ZNF385A: variants seen among roughly 807,000 people sequenced by gnomAD.
ZNF385A encodes the protein hematopoietic zinc finger protein.
ZNF385A carries 14 observed loss-of-function variants against 32.1 expected under a neutral mutation model. The observed-to-expected ratio is 0.44, with a 90% confidence interval of 0.29 to 0.68. The LOEUF (loss-of-function observed/expected upper bound fraction) is 0.68. Ranked by LOEUF, ZNF385A falls within the 30% of genes least tolerant of loss-of-function variation. The pLI, the probability that ZNF385A is intolerant of heterozygous loss-of-function variation, is 0.14. For missense variants in ZNF385A, 406 were observed against 478.4 expected (o/e 0.85, Z 1.41); for synonymous variants, 197 against 202.7 (o/e 0.97, Z 0.24).
At position 54,370,858 on chromosome 12, in the gene ZNF385A, C is replaced by T; in HGVS notation, c.774+69G>A. 1 of 1,610,436 alleles carries T rather than the reference C, an allele frequency of 6.2e-7. No homozygotes were observed. Among genetic ancestry groups the T allele is most frequent in the Admixed American group, 1.7e-5 (1 of 59,866 alleles). On this transcript the variant is annotated intron_variant, in intron 5 of 6. Transcript: ENST00000394313. The surrounding 1 kb of genome is among the most constrained non-coding windows in gnomAD (Gnocchi z 5.5). ...CTCTGAAGAAGGGCCTTTACTCAAG[C>T]TCCTTGCTCCCCTTCCCCACTTAGC...
At chr12:54,375,285 G>C (rs927895344) in intron 2 of ZNF385A, among the ~76,000 whole-genome samples, 2 of 152,166 alleles carry the variant, frequency 1.3e-5, no homozygotes, top group African/African-American at 4.8e-5. Context: ...TTTTGGGTTT[G>C]GGGTAGCTTC....
Position 54,370,453 on chromosome 12 carries a change from A to G in ZNF385A, c.904T>C (p.Ser302Pro). The change falls in exon 7 of 7, where the codon TCC (serine) becomes CCC (proline). Residue 302 changes from serine to proline, a missense_variant. Coordinates refer to ENST00000394313, the MANE Select transcript of ZNF385A (RefSeq NM_015481.3). This position sits in a 1 kb window ranked among gnomAD's most constrained non-coding sequence, Gnocchi z 5.5. ...TLTFSKELPK[S>P]LAGGLLPSPL... ...CTGGGGAGCAGGCCGCCCGCCAGGG[A>G]CTTGGGCAGCTCCTTGGAGAAAGTC... The G allele has an allele frequency of 6.4e-7, 1 of 1,551,082 alleles. No homozygotes were observed. The highest frequency in any genetic ancestry group is 8.7e-7 in the Non-Finnish European group (1 of 1,146,716).
Position 54,370,169 on chromosome 12 carries a change from T to C in ZNF385A, c.*87A>G. On this transcript the variant is annotated 3_prime_UTR_variant, in exon 7 of 7. Transcript: ENST00000394313. This position sits in a 1 kb window ranked among gnomAD's most constrained non-coding sequence, Gnocchi z 5.5. Reference sequence around the variant, plus strand: ...GGGGAAGGAGAGATCATTTAGGGAGTGCCGGGAGGAGGGGCGGGCTGGGAG... The same window carrying C: ...GGGGAAGGAGAGATCATTTAGGGAGCGCCGGGAGGAGGGGCGGGCTGGGAG... 6.0e-6 allele frequency: 6 copies of C among 992,340 alleles called. No homozygotes were observed. The South Asian group carries it at 6.6e-5, about 11-fold the overall frequency. 61.5% of individuals were successfully genotyped at this position (992,340 alleles called of 1,614,324 possible). A position where few individuals can be genotyped will look rare whatever the true frequency, so the allele number is the denominator to read the frequency against.
chr12:54,370,559 G>C lies in ZNF385A; in HGVS notation c.870+67C>G, dbSNP rs1954478220. ...CAAACCCCACCTCTCCCTGGGCAAA[G>C]CCCGCGTCCCTCTCTCCTCCCCGCC... On this transcript the variant is annotated intron_variant, in intron 6 of 6. Transcript: ENST00000394313. The surrounding 1 kb of genome is among the most constrained non-coding windows in gnomAD (Gnocchi z 5.5). The C allele has an allele frequency of 6.4e-7, 1 of 1,551,924 alleles. No homozygotes were observed. Among genetic ancestry groups the C allele is most frequent in the Admixed American group, 2.0e-5 (1 of 51,178 alleles).
intron 3 of ZNF385A, 128 bp from the exon 4 acceptor site, chr12:54,371,843 A>G (rs1954571092): frequency 7.4e-7 from 1 of 1,352,236 alleles, no homozygotes; most frequent in South Asian, 1.3e-5. Context: ...TACAACATGC[A>G]TGCTCTCATG....
chr12:54,382,359 C>A lies in ZNF385A; in HGVS notation c.87+2069G>T, dbSNP rs1054485480. Among the ~76,000 whole-genome samples, 9 of 152,234 alleles carry A rather than the reference C, an allele frequency of 5.9e-5. 1 individual carries two copies. The highest frequency in any genetic ancestry group is 3.4e-3 in the Middle Eastern group (1 of 294). ...AAAGTGCTGGGATTACAAGCGTGAG[C>A]CACCACGCCTGGCCCAGTCTGAAAA... On this transcript the variant is annotated intron_variant, in intron 1 of 6. Coordinates refer to ENST00000394313, the MANE Select transcript of ZNF385A (RefSeq NM_015481.3).
At position 54,374,226 on chromosome 12, in the gene ZNF385A, CAGCAGG is replaced by C. The variant is rs1954721119; in HGVS notation, c.199-97_199-92del. 3.0e-5 allele frequency: 38 copies of C among 1,246,444 alleles called. No homozygotes were observed. The South Asian group carries it at 8.5e-4, about 28-fold the overall frequency. 77.2% of individuals were successfully genotyped at this position (1,246,444 alleles called of 1,614,324 possible). A position where few individuals can be genotyped will look rare whatever the true frequency, so the allele number is the denominator to read the frequency against. On this transcript the variant is annotated intron_variant, in intron 2 of 6. Transcript: ENST00000394313. ...GCTCCCTCAAGTCCTGGGGTGATCTCAGCAGGCTGCAGTGAATTTTTCTGTACACCA... is the reference window on the plus strand; with the variant it reads ...GCTCCCTCAAGTCCTGGGGTGATCTCCTGCAGTGAATTTTTCTGTACACCA...
At chr12:54,389,219 C>T (rs1289321549), upstream of ZNF385A, among the ~76,000 whole-genome samples, 1 of 152,218 alleles carries the variant, frequency 6.6e-6, no homozygotes, top group African/African-American at 2.4e-5. Flanking sequence ...AGATCTTGAG[C>T]AGGCTGGCTG....
chr12:54,371,326 C>G, intron 4 of ZNF385A, 147 bp downstream of exon 4: 1 of 1,183,534 alleles, frequency 8.4e-7, no homozygotes, highest in Non-Finnish European at 1.2e-6. Flanking sequence ...GGCTAAGGAA[C>G]AGGGGAGATG....
chr12:54,382,353 C>T (rs531597150), intron 1 of ZNF385A, among the ~76,000 whole-genome samples: 8 of 152,130 alleles, frequency 5.3e-5, no homozygotes, highest in African/African-American at 1.9e-4. Context: ...GGATTACAAG[C>T]GTGAGCCACC....
intron 2 of ZNF385A, among the ~76,000 whole-genome samples, chr12:54,375,067 A>AGTGTGTGT (rs35300449): frequency 6.7e-6 from 1 of 150,374 alleles, no homozygotes; most frequent in Non-Finnish European, 1.5e-5. Context: ...AGTAGTATGG[A>AGTGTGTGT]GTGTGTGTGT....
At chr12:54,385,523 T>C, upstream of ZNF385A, 2 of 575,402 alleles carry the variant, frequency 3.5e-6, no homozygotes, top group Non-Finnish European at 4.4e-6. Context: ...CCTTCACTGC[T>C]CCAGTAACCC....
intron 1 of ZNF385A, chr12:54,379,197 C>A: frequency 1.0e-6 from 1 of 978,798 alleles, no homozygotes; most frequent in Non-Finnish European, 1.2e-6. Context: ...CTGTGCGGCC[C>A]GGCCGGCGGG....
At chr12:54,385,724 C>T, upstream of ZNF385A, 3 of 957,040 alleles carry the variant, frequency 3.1e-6, no homozygotes, top group Non-Finnish European at 3.7e-6. Context: ...CCCTGGCCCC[C>T]CAGGGGCCTG....
intron 3 of ZNF385A, among the ~76,000 whole-genome samples, chr12:54,372,570 C>T (rs1954611078): frequency 6.6e-6 from 1 of 152,216 alleles, no homozygotes; most frequent in Non-Finnish European, 1.5e-5. Flanking sequence ...GTATAGTTAT[C>T]CTGCCTATAT....
rs1288626078 is a variant in ZNF385A at position 54,370,147 on chromosome 12, G to GGA, written c.*108_*109insTC. 1.3e-3 allele frequency: 1,068 copies of GGA among 814,906 alleles called. 11 individuals are homozygous for GGA. The African/African-American group carries it at 0.019, about 14-fold the overall frequency. 50.5% of individuals were successfully genotyped at this position (814,906 alleles called of 1,614,324 possible). ...CCCCGTATCTCGGGGTGGGGGGGGG[G>GGA]AAGGAGAGATCATTTAGGGAGTGCC... On this transcript the variant is annotated 3_prime_UTR_variant, in exon 7 of 7. Coordinates refer to ENST00000394313, the MANE Select transcript of ZNF385A (RefSeq NM_015481.3). This position sits in a 1 kb window ranked among gnomAD's most constrained non-coding sequence, Gnocchi z 5.5.
chr12:54,384,970 C>G (rs1397865740), upstream of ZNF385A: 3 of 981,826 alleles, frequency 3.1e-6, no homozygotes, highest in African/African-American at 5.2e-5. Flanking sequence ...TGGTATCGCC[C>G]CAGGAAGAAG....
At position 54,372,052 on chromosome 12, in the gene ZNF385A, C is replaced by T. The variant is rs1954583114; in HGVS notation, c.362-337G>A. The stretch of plus-strand genomic sequence containing the variant: ...ACCCCTCAGTGGCCTGCCAGCCAGT[C>T]TGGGCTTCCTGCCAGGACAGCCCCT... On this transcript the variant is annotated intron_variant, in intron 3 of 6. Coordinates refer to ENST00000394313, the MANE Select transcript of ZNF385A (RefSeq NM_015481.3). Among the ~76,000 whole-genome samples, 7 of 152,190 alleles carry T rather than the reference C, an allele frequency of 4.6e-5. No individual in the cohort carries two copies. In the South Asian group the frequency reaches 1.4e-3, roughly 31 times the overall value.
At chr12:54,371,849 T>G in intron 3 of ZNF385A, 134 bp from the exon 4 acceptor site, 3 of 1,295,912 alleles carry the variant, frequency 2.3e-6, no homozygotes, top group Non-Finnish European at 3.2e-6. Flanking sequence ...ATGCATGCTC[T>G]CATGCCCTGG....
Sources: allele counts gnomAD v4.1 joint callset (sites outside exome capture counted in the v4.1 genomes callset), GRCh38; gene constraint gnomAD v4.1.1; non-coding constraint Gnocchi (gnomAD v3.1); transcripts MANE v1.5; gene names NCBI Gene and HGNC (gene_info 2026-07-23, HGNC 2026-07-21).